Variants in GSKIP observed in about 807,000 individuals in gnomAD.
GSKIP encodes the protein GSK3B interacting protein.
A neutral mutation model predicts 11.9 loss-of-function variants in GSKIP; 5 were observed. The observed-to-expected ratio is 0.42, with a 90% CI of 0.22 to 0.89. The LOEUF (loss-of-function observed/expected upper bound fraction) is 0.89, where lower values mean the gene tolerates loss of function less well. Ranked by LOEUF, GSKIP falls within the 40% of genes least tolerant of loss-of-function variation. The pLI is 0.29. For missense variants in GSKIP, 150 were observed against 166.6 expected (o/e 0.90, Z 0.55); for synonymous variants, 70 against 62.9 (o/e 1.11, Z -0.54).
At chr14:96,374,175 C>A (rs941673403) in intron 1 of GSKIP, among the ~76,000 whole-genome samples, 5 of 151,878 alleles carry the variant, frequency 3.3e-5, no homozygotes, top group African/African-American at 1.2e-4. Flanking sequence ...TTAAAAGACA[C>A]AAATAGAATA....
chr14:96,373,956 C>T (rs776243590), intron 1 of GSKIP, among the ~76,000 whole-genome samples: 2 of 152,136 alleles, frequency 1.3e-5, no homozygotes, highest in Admixed American at 6.5e-5. Context: ...TGTCTGGCAT[C>T]CAGTCAGAAA....
rs750416540 is a variant in GSKIP at position 96,387,180 on chromosome 14, G to A, written c.*1496G>A. ...CTCAGGCTAAATGTAAATGATATTTGTAAAGTTTGAATAAAATTCTGTTTA... is the reference window on the plus strand; with the variant it reads ...CTCAGGCTAAATGTAAATGATATTTATAAAGTTTGAATAAAATTCTGTTTA... On this transcript the variant is annotated 3_prime_UTR_variant, in exon 4 of 4. Coordinates refer to ENST00000555181, the MANE Select transcript of GSKIP (RefSeq NM_016472.5). 4 of 152,166 alleles carry A rather than the reference G, an allele frequency of 2.6e-5. No individual in the cohort carries two copies. The highest frequency in any genetic ancestry group is 4.4e-5 in the Non-Finnish European group (3 of 68,034). 9.4% of individuals were successfully genotyped at this position (152,166 alleles called of 1,614,324 possible). A position where few individuals can be genotyped will look rare whatever the true frequency, so the allele number is the denominator to read the frequency against.
intron 1 of GSKIP, among the ~76,000 whole-genome samples, chr14:96,376,774 C>T (rs1390942105): frequency 6.6e-6 from 1 of 151,948 alleles, no homozygotes; most frequent in Non-Finnish European, 1.5e-5. Flanking sequence ...TGCAAGCTAC[C>T]AGTAGATATC....
chr14:96,378,748 T>C (rs753649442), intron 1 of GSKIP, among the ~76,000 whole-genome samples: 7 of 152,246 alleles, frequency 4.6e-5, no homozygotes, highest in Non-Finnish European at 8.8e-5. Context: ...AGGGCTGTTA[T>C]AGAGCTAAAT....
chr14:96,369,091 C>T (rs776867582), intron 1 of GSKIP, among the ~76,000 whole-genome samples: 1 of 152,174 alleles, frequency 6.6e-6, no homozygotes, highest in Non-Finnish European at 1.5e-5. Context: ...GCAAACATCA[C>T]CCTTGTTACA....
intron 1 of GSKIP, among the ~76,000 whole-genome samples, chr14:96,373,952 G>T (rs1008919298): frequency 1.3e-5 from 2 of 152,084 alleles, no homozygotes; most frequent in African/African-American, 2.4e-5. Flanking sequence ...ACAATGTCTG[G>T]CATCCAGTCA....
chr14:96,367,128 G>A (rs952119668), intron 1 of GSKIP, among the ~76,000 whole-genome samples: 18 of 152,142 alleles, frequency 1.2e-4, no homozygotes, highest in Non-Finnish European at 4.4e-5. Flanking sequence ...TAATATAATA[G>A]ATTATATTTT....
At chr14:96,364,238 C>A (rs1335075763) in intron 1 of GSKIP, 1 of 152,172 alleles carries the variant, frequency 6.6e-6, no homozygotes, top group Admixed American at 6.5e-5. Context: ...TGCGGGTGTT[C>A]TATGGCCCAG....
chr14:96,374,062 G>T (rs1192286620), intron 1 of GSKIP, among the ~76,000 whole-genome samples: 1 of 152,082 alleles, frequency 6.6e-6, no homozygotes, highest in Non-Finnish European at 1.5e-5. Flanking sequence ...AAATTAGTAG[G>T]CAGGACATTA....
At chr14:96,377,297 A>G (rs1206792217) in intron 1 of GSKIP, among the ~76,000 whole-genome samples, 1 of 152,226 alleles carries the variant, frequency 6.6e-6, no homozygotes, top group Non-Finnish European at 1.5e-5. Flanking sequence ...TTATATGATG[A>G]TAAATTGTTT....
chr14:96,372,969 G>A (rs564747419), intron 1 of GSKIP, among the ~76,000 whole-genome samples: 6 of 151,970 alleles, frequency 3.9e-5, no homozygotes, highest in African/African-American at 1.2e-4. Flanking sequence ...TGTGGCTCAC[G>A]CCTGTAATCC....
chr14:96,364,574 C>A (rs973875443), intron 1 of GSKIP: 3 of 152,158 alleles, frequency 2.0e-5, no homozygotes, highest in Admixed American at 2.0e-4. Flanking sequence ...CATCTGGTTC[C>A]CCTTTCCACA....
intron 1 of GSKIP, chr14:96,363,801 A>G (rs899969033): frequency 2.0e-5 from 3 of 152,486 alleles, no homozygotes; most frequent in Non-Finnish European, 4.4e-5. Context: ...CGCCCCGGAA[A>G]CGCACACTTG....
intron 2 of GSKIP, among the ~76,000 whole-genome samples, chr14:96,381,569 A>G (rs1889344170): frequency 6.6e-6 from 1 of 152,152 alleles, no homozygotes; most frequent in Non-Finnish European, 1.5e-5. Flanking sequence ...AAAGACTTGC[A>G]CTCTGATTTC....
intron 1 of GSKIP, among the ~76,000 whole-genome samples, chr14:96,377,764 A>G (rs1165259315): frequency 6.6e-6 from 1 of 152,136 alleles, no homozygotes. Context: ...GCTCTTTTCA[A>G]ACTCCTTGAG....
chr14:96,376,608 TAA>T (rs1266637588), intron 1 of GSKIP, among the ~76,000 whole-genome samples: 4 of 152,232 alleles, frequency 2.6e-5, no homozygotes, highest in Middle Eastern at 3.2e-3. Flanking sequence ...AGTTTAGTGA[TAA>T]GAGTTTGTAG....
intron 2 of GSKIP, among the ~76,000 whole-genome samples, chr14:96,381,131 T>G (rs2139942193): frequency 6.6e-6 from 1 of 152,350 alleles, no homozygotes; most frequent in African/African-American, 2.4e-5. Context: ...CTTTTGTACA[T>G]TCCAAAGCAC....
intron 2 of GSKIP, among the ~76,000 whole-genome samples, chr14:96,381,926 A>C (rs1313498769): frequency 6.6e-6 from 1 of 152,212 alleles, no homozygotes; most frequent in Non-Finnish European, 1.5e-5. Context: ...ATACATTTAA[A>C]AATATGTACT....
chr14:96,373,600 TA>T (rs78536117), intron 1 of GSKIP, among the ~76,000 whole-genome samples: 4,755 of 143,412 alleles, frequency 0.033, 214 homozygotes, highest in African/African-American at 0.1. Context: ...GTTCTTCCAT[TA>T]AAAAAAAAAA....
Sources: allele counts gnomAD v4.1 joint callset (sites outside exome capture counted in the v4.1 genomes callset), GRCh38; gene constraint gnomAD v4.1.1; transcripts MANE v1.5; gene names NCBI Gene and HGNC (gene_info 2026-07-23, HGNC 2026-07-21).